The following C1QTNF3 variants were observed in gnomAD, a reference collection of about 807,000 sequenced individuals.
C1QTNF3 encodes complement C1q tumor necrosis factor-related protein 3.
In C1QTNF3, 26 loss-of-function variants were observed where a neutral mutation model predicts 32.6. That is an observed-to-expected ratio of 0.80 (90% CI 0.58 to 1.11). C1QTNF3 has a LOEUF of 1.11. Among genes scored for constraint, C1QTNF3 ranks in the 50% least tolerant of loss-of-function variants. The pLI is 0.00. For synonymous variants in C1QTNF3, 155 were observed against 146.0 expected, an observed-to-expected ratio of 1.06 and a Z score of -0.44; for missense variants, 362 against 398.2, an observed-to-expected ratio of 0.91 and a Z score of 0.77.
the C1QTNF3 span, among the ~76,000 whole-genome samples, chr5:34,094,493 C>A: frequency 1.3e-5 from 2 of 150,586 alleles, no homozygotes; most frequent in Non-Finnish European, 3.0e-5. Context: ...GAAGACAATA[C>A]GAAGAGTAAT....
chr5:34,144,179 G>A, the C1QTNF3 span, among the ~76,000 whole-genome samples: 6 of 152,048 alleles, frequency 3.9e-5, no homozygotes, highest in East Asian at 1.9e-4. Flanking sequence ...AAGGCATTAC[G>A]TAATGATAAA....
At chr5:34,088,453 A>G in the C1QTNF3 span, among the ~76,000 whole-genome samples, 1 of 151,988 alleles carries the variant, frequency 6.6e-6, no homozygotes, top group African/African-American at 2.4e-5. Flanking sequence ...CATTAACCTC[A>G]AGCTTATAAT....
At chr5:34,176,074 T>A in the C1QTNF3 span, 1 of 575,104 alleles carries the variant, frequency 1.7e-6, no homozygotes, top group South Asian at 2.2e-5. Context: ...CTGTAGTGAC[T>A]GCAGGACTCA....
the C1QTNF3 span, among the ~76,000 whole-genome samples, chr5:34,068,200 T>C: frequency 6.6e-6 from 1 of 152,210 alleles, no homozygotes; most frequent in African/African-American, 2.4e-5. Context: ...TACGTCTACT[T>C]GTGAATGTCA....
the C1QTNF3 span, among the ~76,000 whole-genome samples, chr5:34,125,784 TAATA>T: frequency 6.6e-6 from 1 of 152,238 alleles, no homozygotes; most frequent in African/African-American, 2.4e-5. Context: ...TCTTATATTG[TAATA>T]AATAAAATAG....
At chr5:34,043,992 C>T (rs973173187), upstream of C1QTNF3, among the ~76,000 whole-genome samples, 32 of 152,110 alleles carry the variant, frequency 2.1e-4, no homozygotes, top group Non-Finnish European at 8.8e-5. Flanking sequence ...AATCCCAGCA[C>T]CTTGAGAGCC....
upstream of C1QTNF3, among the ~76,000 whole-genome samples, chr5:34,045,772 G>T (rs966622756): frequency 2.0e-5 from 3 of 151,832 alleles, no homozygotes; most frequent in Non-Finnish European, 4.4e-5. Context: ...TCTCTCCCAA[G>T]AAATCAATAA....
At chr5:34,236,563 CTTTTTTCTTTTTTTTTT>C in the C1QTNF3 span, among the ~76,000 whole-genome samples, 34 of 45,338 alleles carry the variant, frequency 7.5e-4, no homozygotes, top group Admixed American at 0.012. Context: ...TTTCTTTTTT[CTTTTTTCTTTTTTTTTT>C]TTTTTTTTTT....
At chr5:34,220,416 A>T in the C1QTNF3 span, among the ~76,000 whole-genome samples, 2 of 151,882 alleles carry the variant, frequency 1.3e-5, no homozygotes, top group African/African-American at 4.8e-5. Context: ...TATTTCACCC[A>T]GTTCCAGACA....
chr5:34,213,157 T>G, the C1QTNF3 span, among the ~76,000 whole-genome samples: 4 of 152,174 alleles, frequency 2.6e-5, no homozygotes, highest in African/African-American at 7.2e-5. Flanking sequence ...TTTTATATAA[T>G]CATGTGCCAC....
At chr5:34,223,524 G>C in the C1QTNF3 span, among the ~76,000 whole-genome samples, 2 of 151,218 alleles carry the variant, frequency 1.3e-5, no homozygotes, top group African/African-American at 4.9e-5. Flanking sequence ...TAGTCCTTTG[G>C]GTATATACCC....
intron 3 of C1QTNF3, 190 bp from the exon 4 acceptor site, chr5:34,029,073 G>C: frequency 2.4e-6 from 1 of 425,090 alleles, no homozygotes; most frequent in African/African-American, 2.0e-5. Context: ...GATTGACAAT[G>C]TCTATCAACA....
At chr5:34,146,877 A>G in the C1QTNF3 span, among the ~76,000 whole-genome samples, 5 of 152,234 alleles carry the variant, frequency 3.3e-5, no homozygotes, top group Non-Finnish European at 5.9e-5. Flanking sequence ...TAGACAACCT[A>G]TAGAGTGGGA....
chr5:34,229,513 T>C, the C1QTNF3 span, among the ~76,000 whole-genome samples: 2,051 of 152,284 alleles, frequency 0.013, 55 homozygotes, highest in African/African-American at 0.047. Flanking sequence ...CCAGATAATT[T>C]ATAAGTTTGT....
the C1QTNF3 span, among the ~76,000 whole-genome samples, chr5:34,055,284 G>A: frequency 6.6e-6 from 1 of 152,202 alleles, no homozygotes; most frequent in African/African-American, 2.4e-5. Flanking sequence ...ATATGCCCAT[G>A]CCATAGCTAC....
chr5:34,142,996 C>T, the C1QTNF3 span, among the ~76,000 whole-genome samples: 1 of 152,110 alleles, frequency 6.6e-6, no homozygotes, highest in East Asian at 1.9e-4. Context: ...CACATCAAGA[C>T]TTAGGATAAA....
chr5:34,144,879 C>T, the C1QTNF3 span, among the ~76,000 whole-genome samples: 1 of 152,164 alleles, frequency 6.6e-6, no homozygotes, highest in East Asian at 1.9e-4. Flanking sequence ...CCTGTAACCC[C>T]AGCACTTTGG....
chr5:34,226,475 C>T, the C1QTNF3 span, among the ~76,000 whole-genome samples: 1 of 151,712 alleles, frequency 6.6e-6, no homozygotes, highest in Non-Finnish European at 1.5e-5. Context: ...ATTTTAATTC[C>T]TTCATCAAAC....
the C1QTNF3 span, among the ~76,000 whole-genome samples, chr5:34,242,469 T>C: frequency 6.6e-6 from 1 of 151,986 alleles, no homozygotes; most frequent in Non-Finnish European, 1.5e-5. Flanking sequence ...AGCAGAAGAG[T>C]GAAACTGGAT....
Sources: allele counts gnomAD v4.1 joint callset (sites outside exome capture counted in the v4.1 genomes callset), GRCh38; gene constraint gnomAD v4.1.1; transcripts MANE v1.5; gene names NCBI Gene and HGNC (gene_info 2026-07-23, HGNC 2026-07-21).